SH3KBP1: variants seen among roughly 807,000 people sequenced by gnomAD.
SH3KBP1 encodes SH3 domain containing kinase binding protein 1.
SH3KBP1 carries 8 observed loss-of-function variants against 50.1 expected under a neutral mutation model. The observed-to-expected ratio is 0.16, with a 90% CI of 0.09 to 0.29. The LOEUF is 0.29. SH3KBP1 is among the 10% of genes least tolerant of loss of function. The pLI, the probability that SH3KBP1 is intolerant of heterozygous loss-of-function variation, is 1.00. For missense variants in SH3KBP1, 377 were observed against 535.2 expected, an observed-to-expected ratio of 0.70 and a Z score of 2.92; for synonymous variants, 227 against 218.6, an observed-to-expected ratio of 1.04 and a Z score of -0.34.
rs761425927 is a variant in SH3KBP1, at chrX:19,826,496, T to C, written c.162+9629A>G. Among the ~76,000 whole-genome samples the C allele has an allele frequency of 9.2e-5, 10 of 108,950 alleles. No homozygotes were observed. In the South Asian group the frequency reaches 2.0e-3, roughly 22 times the overall value. 94.6% of individuals were successfully genotyped at this position (108,950 alleles called of 115,157 possible). A position where few individuals can be genotyped will look rare whatever the true frequency, so the allele number is the denominator to read the frequency against. On this transcript the variant is annotated intron_variant, in intron 2 of 17. Coordinates refer to ENST00000397821, the MANE Select transcript of SH3KBP1 (RefSeq NM_031892.3). ...AGGAGGGCAACCAGCGTGGGCAACA[T>C]AGTGATACCCCCATCTCTACAAAAA...
intron 5 of SH3KBP1, among the ~76,000 whole-genome samples, chrX:19,695,397 T>C (rs749970918): frequency 1.5e-4 from 17 of 111,628 alleles, no homozygotes; most frequent in South Asian, 1.5e-3. Context: ...GGCTGGCAGT[T>C]ACCTATCCAG....
intron 13 of SH3KBP1, among the ~76,000 whole-genome samples, chrX:19,563,767 A>G (rs997765655): frequency 7.1e-5 from 8 of 111,896 alleles, no homozygotes; most frequent in African/African-American, 2.0e-4. Flanking sequence ...CCTGTTCTTC[A>G]GCACAGGTAA....
chrX:19,762,661 C>A lies in SH3KBP1; in HGVS notation c.163-16220G>T, dbSNP rs147948378. Among the ~76,000 whole-genome samples the A allele has an allele frequency of 5.7e-3, 639 of 111,945 alleles. 6 individuals carry two copies. The highest frequency in any genetic ancestry group is 0.019 in the African/African-American group (578 of 30,800). On this transcript the variant is annotated intron_variant, in intron 2 of 17. Transcript: ENST00000397821. ...ACTCTGGTCTCCCACACAGCCAGCT[C>A]TGCAGGAATTACTCTTTCTCCACTG...
chrX:19,750,422 C>A (rs758860173), intron 2 of SH3KBP1, among the ~76,000 whole-genome samples: 1 of 112,119 alleles, frequency 8.9e-6, no homozygotes, highest in East Asian at 2.8e-4. Flanking sequence ...TCTCCCCTCC[C>A]AGTTTAGCCT....
chrX:19,618,406 A>C (rs2067690183), intron 8 of SH3KBP1, among the ~76,000 whole-genome samples: 1 of 107,500 alleles, frequency 9.3e-6, no homozygotes, highest in Non-Finnish European at 1.9e-5. Context: ...AAAAAAAAAA[A>C]AAAACAGTTT....
chrX:19,597,769 C>T (rs1326459926), intron 9 of SH3KBP1, among the ~76,000 whole-genome samples: 1 of 112,582 alleles, frequency 8.9e-6, no homozygotes, highest in African/African-American at 3.2e-5. Context: ...TGAGCACCAG[C>T]TTCAACTTAA....
chrX:19,722,493 A>T (rs770689341), intron 3 of SH3KBP1, among the ~76,000 whole-genome samples: 1 of 110,291 alleles, frequency 9.1e-6, no homozygotes, highest in Non-Finnish European at 1.9e-5. Context: ...ACACGGCTTC[A>T]TACACACCCC....
At chrX:19,658,733 A>G (rs998980661) in intron 6 of SH3KBP1, among the ~76,000 whole-genome samples, 3 of 109,881 alleles carry the variant, frequency 2.7e-5, no homozygotes, top group African/African-American at 6.6e-5. Context: ...TAATTTTTGT[A>G]TTTTTAGTAG....
At chrX:19,838,886 C>CAAAAAAAA (rs1187740894) in intron 1 of SH3KBP1, among the ~76,000 whole-genome samples, 20 of 28,595 alleles carry the variant, frequency 7.0e-4, no homozygotes, top group Non-Finnish European at 1.2e-3. Flanking sequence ...AACTTTGTCT[C>CAAAAAAAA]AAAAAAAAAA....
chrX:19,582,200 A>G (rs1318824424), intron 12 of SH3KBP1, among the ~76,000 whole-genome samples: 2 of 112,370 alleles, frequency 1.8e-5, no homozygotes, highest in Non-Finnish European at 3.8e-5. Flanking sequence ...CCATCCTGAC[A>G]TTCTCAGCCA....
rs72140292 is a variant in SH3KBP1, at chrX:19,626,383, T to TATGAATGAATGA, written c.897+5469_897+5480dup. Among the ~76,000 whole-genome samples, 888 of 108,316 alleles carry TATGAATGAATGA rather than the reference T, an allele frequency of 8.2e-3. 10 individuals carry two copies. The highest frequency in any genetic ancestry group is 0.028 in the African/African-American group (816 of 29,410). The allele number at this position is 108,316 out of a possible 115,157, so 94.1% of individuals were successfully genotyped here. A position where few individuals can be genotyped will look rare whatever the true frequency, so the allele number is the denominator to read the frequency against. ...GGCACACCATAAATATTCTTCGATG[T>TATGAATGAATGA]ATGAATGAATGAATGAATGAATGAA... On this transcript the variant is annotated intron_variant, in intron 8 of 17. Coordinates refer to ENST00000397821, the MANE Select transcript of SH3KBP1 (RefSeq NM_031892.3).
In SH3KBP1 at chrX:19,536,089, T is replaced by G. The variant is rs1457206036; in HGVS notation, c.*328A>C. The G allele has an allele frequency of 6.4e-6, 1 of 157,349 alleles. No homozygotes were observed. The highest frequency in any genetic ancestry group is 1.2e-5 in the Non-Finnish European group (1 of 82,528). The allele number at this position is 157,349 out of a possible 1,213,427, so 13.0% of individuals were successfully genotyped here. A position where few individuals can be genotyped will look rare whatever the true frequency, so the allele number is the denominator to read the frequency against. On this transcript the variant is annotated 3_prime_UTR_variant, in exon 18 of 18. Coordinates refer to ENST00000397821, the MANE Select transcript of SH3KBP1 (RefSeq NM_031892.3). ...CGAATAATCTGAAATTACATTTTAT[T>G]AATGGAAAATATCATCAAAATAGTA...
chrX:19,726,367 T>G (rs1348605712), intron 3 of SH3KBP1, among the ~76,000 whole-genome samples: 1 of 111,686 alleles, frequency 9.0e-6, no homozygotes, highest in African/African-American at 3.3e-5. Context: ...AACTGCAAAA[T>G]GAGGCCAATG....
intron 2 of SH3KBP1, among the ~76,000 whole-genome samples, chrX:19,801,551 C>G (rs952663313): frequency 9.0e-6 from 1 of 111,600 alleles, no homozygotes; most frequent in East Asian, 2.8e-4. Flanking sequence ...AGAAAACATT[C>G]TCCTTAAAGA....
At chrX:19,862,070 C>T (rs927392445) in intron 1 of SH3KBP1, among the ~76,000 whole-genome samples, 1 of 111,870 alleles carries the variant, frequency 8.9e-6, no homozygotes, top group African/African-American at 3.3e-5. Flanking sequence ...ACTGGGAAAG[C>T]CGTGTTTCAT....
chrX:19,746,328 G>A lies in SH3KBP1; in HGVS notation c.276C>T (p.Thr92=), dbSNP rs752628926. The A allele has an allele frequency of 4.1e-6, 5 of 1,210,486 alleles. No individual in the cohort carries two copies. In the South Asian group the frequency reaches 8.8e-5, roughly 21 times the overall value. Residue 92 remains threonine (T), a synonymous_variant, in exon 3 of 18, where the codon ACC becomes ACT. Coordinates refer to ENST00000397821, the MANE Select transcript of SH3KBP1 (RefSeq NM_031892.3). ...TTTCCTTTTCCATACCTCTCTTATT[G>A]GTTCTTAAAATCGTTTCAGAAGACA... ...SLLSSETILR[T]NKRGERRRRR...
At chrX:19,848,768 T>TATTGATTG (rs200893302) in intron 1 of SH3KBP1, among the ~76,000 whole-genome samples, 5 of 109,971 alleles carry the variant, frequency 4.5e-5, no homozygotes, top group African/African-American at 6.6e-5. Flanking sequence ...CAGCTGTGGA[T>TATTGATTG]ATTGATTGAT....
chrX:19,792,996 G>T (rs1308391884), intron 2 of SH3KBP1, among the ~76,000 whole-genome samples: 1 of 110,115 alleles, frequency 9.1e-6, no homozygotes, highest in Non-Finnish European at 1.9e-5. Context: ...CCCTCAAATG[G>T]CTATATAAGA....
At chrX:19,543,911 G>A (rs1344839934) in intron 15 of SH3KBP1, among the ~76,000 whole-genome samples, 2 of 111,301 alleles carry the variant, frequency 1.8e-5, no homozygotes, top group East Asian at 2.8e-4. Context: ...AGGTGGCGAG[G>A]AGGGAAAAGA....
Sources: gnomAD v4.1 joint callset for allele counts (sites outside exome capture counted in the v4.1 genomes callset) on GRCh38, gnomAD v4.1.1 for gene constraint, MANE v1.5 for transcripts, NCBI Gene and HGNC (gene_info 2026-07-23, HGNC 2026-07-21) for gene names.